ALDH1A2: variants seen among roughly 807,000 people sequenced by gnomAD.
ALDH1A2 encodes retinal dehydrogenase 2.
Under a neutral mutation model 60.3 loss-of-function variants are expected in ALDH1A2, and 27 were observed. That is an observed-to-expected ratio of 0.45 (90% confidence interval 0.33 to 0.62). The LOEUF is 0.62. Among genes scored for constraint, ALDH1A2 ranks in the 20% least tolerant of loss-of-function variants. ALDH1A2 has a pLI of 0.02. For missense variants in ALDH1A2, 581 were observed against 643.8 expected (o/e 0.90, Z 1.06); for synonymous variants, 289 against 232.4 (o/e 1.24, Z -2.21).
chr15:58,002,683 T>C lies in ALDH1A2; in HGVS notation c.494-7544A>G, dbSNP rs192920700. Among the ~76,000 whole-genome samples, 398 of 152,046 alleles carry C rather than the reference T, an allele frequency of 2.6e-3. 3 individuals carry two copies. The highest frequency in any genetic ancestry group is 9.1e-3 in the African/African-American group (379 of 41,524). On this transcript the variant is annotated intron_variant, in intron 4 of 12. Transcript: ENST00000249750. ...ACTACAAGAACTGTAGCAAATTTTA[T>C]ATACCTAGTAACAATAAAAACGATT...
intron 4 of ALDH1A2, 38 bp from the exon 5 acceptor site, chr15:57,995,177 G>C (rs1895010140): frequency 2.1e-6 from 2 of 974,258 alleles, no homozygotes; most frequent in East Asian, 5.2e-5. Context: ...AGAAAGTTTA[G>C]ATTAGGAAAA....
At chr15:58,034,139 A>G (rs1896316879) in intron 1 of ALDH1A2, among the ~76,000 whole-genome samples, 1 of 151,618 alleles carries the variant, frequency 6.6e-6, no homozygotes, top group African/African-American at 2.4e-5. Flanking sequence ...ATTTATTTAC[A>G]TCTCCTTTGA....
chr15:57,972,738 A>C (rs1383072175), intron 7 of ALDH1A2, among the ~76,000 whole-genome samples: 1 of 152,206 alleles, frequency 6.6e-6, no homozygotes, highest in East Asian at 1.9e-4. Context: ...AGGTTTTTCC[A>C]CATGAAACTG....
At chr15:58,057,293 A>C (rs1224513475) in intron 1 of ALDH1A2, among the ~76,000 whole-genome samples, 2 of 151,254 alleles carry the variant, frequency 1.3e-5, no homozygotes, top group Non-Finnish European at 3.0e-5. Flanking sequence ...ATGTTTAACA[A>C]GCTAATCAAA....
intron 12 of ALDH1A2, 150 bp downstream of exon 12, chr15:57,960,620 A>C (rs1172201920): frequency 2.9e-6 from 2 of 698,432 alleles, no homozygotes; most frequent in African/African-American, 3.6e-5. Flanking sequence ...ATAACATGTA[A>C]TAGAACTTAG....
chr15:58,044,522 A>AT (rs1450081028), intron 1 of ALDH1A2, among the ~76,000 whole-genome samples: 1 of 151,790 alleles, frequency 6.6e-6, no homozygotes, highest in Admixed American at 6.6e-5. Context: ...ATAATTTTTC[A>AT]TTTTCTTTCC....
chr15:58,022,053 G>A (rs1302570372), intron 1 of ALDH1A2, among the ~76,000 whole-genome samples: 1 of 152,172 alleles, frequency 6.6e-6, no homozygotes, highest in African/African-American at 2.4e-5. Flanking sequence ...CCTCTCCAGT[G>A]GCAGGGCCTC....
rs1896036354 is a variant in ALDH1A2 at position 58,024,926 on chromosome 15, C to A, written c.118-10645G>T. 5.3e-5 allele frequency among the ~76,000 whole-genome samples: 8 copies of A among 152,238 alleles called. 1 individual carries two copies. In the South Asian group the frequency reaches 1.7e-3, roughly 32 times the overall value. On this transcript the variant is annotated intron_variant, in intron 1 of 12. Coordinates refer to ENST00000249750, the MANE Select transcript of ALDH1A2 (RefSeq NM_003888.4). ...AAATACATGGAAATTAAACAACATG[C>A]TCCTGAATGACCACTGTGTCAACAA...
Position 57,961,214 on chromosome 15 carries a change from T to A in ALDH1A2, c.1332A>T (p.Gly444=), listed in dbSNP as rs776542471. Residue 444 remains glycine, a synonymous_variant, in exon 11 of 13, where the codon GGA becomes GGT. Transcript: ENST00000249750. Reference sequence around the variant, plus strand: ...CATTAGTAAAGACAGCTGCTACGAGTCCAAAGTCTGAGTTATTGGCTCTTT... The same window carrying A: ...CATTAGTAAAGACAGCTGCTACGAGACCAAAGTCTGAGTTATTGGCTCTTT... ...VIERANNSDF[G]LVAAVFTNDI... The A allele has an allele frequency of 3.4e-5, 55 of 1,613,966 alleles. No individual in the cohort carries two copies. The South Asian group carries it at 5.5e-4, about 16-fold the overall frequency.
At chr15:58,006,582 G>A (rs1895465823) in intron 4 of ALDH1A2, among the ~76,000 whole-genome samples, 1 of 151,838 alleles carries the variant, frequency 6.6e-6, no homozygotes, top group African/African-American at 2.4e-5. Flanking sequence ...GTTCTTTAAG[G>A]AATCTCCATA....
At chr15:58,015,907 T>C (rs1464957712) in intron 1 of ALDH1A2, among the ~76,000 whole-genome samples, 1 of 152,194 alleles carries the variant, frequency 6.6e-6, no homozygotes, top group Non-Finnish European at 1.5e-5. Flanking sequence ...ATTTAATAAA[T>C]TTGCTCACAG....
chr15:58,050,316 G>C lies in ALDH1A2; in HGVS notation c.117+15218C>G, dbSNP rs550990990. Among the ~76,000 whole-genome samples, 16 of 152,026 alleles carry C rather than the reference G, an allele frequency of 1.1e-4. No homozygotes were observed. The East Asian group carries it at 3.1e-3, about 29-fold the overall frequency. ...ACATTAAAATGATGTTTATTAACTG[G>C]TCACAGATAAAAATCACCAATGATT... On this transcript the variant is annotated intron_variant, in intron 1 of 12. Transcript: ENST00000249750.
intron 1 of ALDH1A2, among the ~76,000 whole-genome samples, chr15:58,019,441 G>A (rs1895866643): frequency 1.3e-5 from 2 of 152,212 alleles, no homozygotes; most frequent in Admixed American, 1.3e-4. Flanking sequence ...GAGGAAAAAT[G>A]TGGGCTTTAC....
chr15:58,047,074 A>G (rs775923584), intron 1 of ALDH1A2, among the ~76,000 whole-genome samples: 9 of 152,066 alleles, frequency 5.9e-5, no homozygotes, highest in Non-Finnish European at 1.0e-4. Context: ...CAAAATGGCC[A>G]TAACTATATA....
intron 1 of ALDH1A2, among the ~76,000 whole-genome samples, chr15:58,026,092 C>G (rs1229146665): frequency 2.0e-5 from 3 of 152,136 alleles, no homozygotes; most frequent in Admixed American, 6.5e-5. Context: ...TAGCATCACC[C>G]TAATACCAAA....
chr15:58,036,240 A>C (rs1317859170), intron 1 of ALDH1A2, among the ~76,000 whole-genome samples: 1 of 151,656 alleles, frequency 6.6e-6, no homozygotes, highest in Non-Finnish European at 1.5e-5. Context: ...CAAGATCAAT[A>C]TATAATCAAT....
intron 1 of ALDH1A2, among the ~76,000 whole-genome samples, chr15:58,048,273 G>T (rs1896682983): frequency 6.6e-6 from 1 of 152,048 alleles, no homozygotes; most frequent in African/African-American, 2.4e-5. Context: ...ATTAAGTGTT[G>T]TATGCCCAAC....
rs568136756 is a variant in ALDH1A2, at chr15:58,052,133, C to A, written c.117+13401G>T. Among the ~76,000 whole-genome samples, 65 of 152,194 alleles carry A rather than the reference C, an allele frequency of 4.3e-4. 3 individuals carry two copies. The South Asian group carries it at 0.012, about 28-fold the overall frequency. ...CACTGCTAGCCACTCATTTATATAA[C>A]GAGAATCATTAACAGGGATTTCTGT... is the stretch of plus-strand genomic sequence containing the variant. On this transcript the variant is annotated intron_variant, in intron 1 of 12. Coordinates refer to ENST00000249750, the MANE Select transcript of ALDH1A2 (RefSeq NM_003888.4).
At chr15:57,981,443 CAA>C (rs1246890231) in intron 7 of ALDH1A2, among the ~76,000 whole-genome samples, 1 of 152,010 alleles carries the variant, frequency 6.6e-6, no homozygotes, top group Non-Finnish European at 1.5e-5. Context: ...TAGTTATTGA[CAA>C]ATATATTATT....
Sources: gnomAD v4.1 joint callset for allele counts (sites outside exome capture counted in the v4.1 genomes callset) on GRCh38, gnomAD v4.1.1 for gene constraint, MANE v1.5 for transcripts, NCBI Gene and HGNC (gene_info 2026-07-23, HGNC 2026-07-21) for gene names.